The following PPM1D variants were observed in gnomAD, a reference collection of about 807,000 sequenced individuals.
PPM1D encodes the protein protein phosphatase 1D.
A neutral mutation model predicts 58.3 loss-of-function variants in PPM1D; 52 were observed. The observed-to-expected ratio is 0.89, with a 90% CI of 0.71 to 1.12. The LOEUF (loss-of-function observed/expected upper bound fraction) is 1.12, where lower values mean the gene tolerates loss of function less well. Among genes scored for constraint, PPM1D ranks in the 50% most tolerant of loss-of-function variants. The probability of loss-of-function intolerance (pLI) is 0.00; values close to 1 mark genes in which losing one functional copy is unlikely to be tolerated. For missense variants in PPM1D, 564 were observed against 777.2 expected, an observed-to-expected ratio of 0.73 and a Z score of 3.26; for synonymous variants, 278 against 285.1, an observed-to-expected ratio of 0.98 and a Z score of 0.25.
chr17:60,620,428 G>A (rs2143648880), intron 1 of PPM1D, among the ~76,000 whole-genome samples: 1 of 152,248 alleles, frequency 6.6e-6, no homozygotes, highest in East Asian at 1.9e-4. Context: ...CCTGAAAGTT[G>A]CCTTTTCATT....
At chr17:60,628,072 T>A (rs1219195428) in intron 2 of PPM1D, among the ~76,000 whole-genome samples, 1 of 151,804 alleles carries the variant, frequency 6.6e-6, no homozygotes, top group Non-Finnish European at 1.5e-5. Flanking sequence ...TTTCACGAAC[T>A]CCCGACCTCA....
intron 1 of PPM1D, among the ~76,000 whole-genome samples, chr17:60,606,507 T>TA (rs1221329717): frequency 2.0e-5 from 3 of 152,146 alleles, no homozygotes; most frequent in Non-Finnish European, 2.9e-5. Flanking sequence ...TTTACATTCC[T>TA]ACCAGCAAGG....
intron 1 of PPM1D, among the ~76,000 whole-genome samples, chr17:60,614,190 A>G (rs1474280068): frequency 6.6e-6 from 1 of 152,150 alleles, no homozygotes; most frequent in Non-Finnish European, 1.5e-5. Flanking sequence ...CGAGGTTTGT[A>G]AACACGCCAG....
At chr17:60,616,730 A>G (rs1383863243) in intron 1 of PPM1D, among the ~76,000 whole-genome samples, 1 of 152,230 alleles carries the variant, frequency 6.6e-6, no homozygotes, top group African/African-American at 2.4e-5. Context: ...TAAAGGTGAC[A>G]TTTCAGATGA....
Position 60,660,918 on chromosome 17 carries a change from A to G in PPM1D, c.1261-2077A>G, listed in dbSNP as rs572451507. Among the ~76,000 whole-genome samples, 39 of 152,286 alleles carry G rather than the reference A, an allele frequency of 2.6e-4. 1 individual carries two copies. The highest frequency in any genetic ancestry group is 8.4e-4 in the African/African-American group (35 of 41,562). On this transcript the variant is annotated intron_variant, in intron 5 of 5. Coordinates refer to ENST00000305921, the MANE Select transcript of PPM1D (RefSeq NM_003620.4). ...ATACTTTTATATAGCACTTCTAAGA[A>G]AGTTGTATATTCAGGCTGGGCGCAG...
chr17:60,609,511 A>G (rs1598399304), intron 1 of PPM1D, among the ~76,000 whole-genome samples: 1 of 152,330 alleles, frequency 6.6e-6, no homozygotes, highest in East Asian at 1.9e-4. Flanking sequence ...AATATTAAAT[A>G]TAAAATTCTA....
chr17:60,606,037 ACT>A (rs1400566334), intron 1 of PPM1D, among the ~76,000 whole-genome samples: 1 of 151,880 alleles, frequency 6.6e-6, no homozygotes, highest in Non-Finnish European at 1.5e-5. Flanking sequence ...CCAAATAGAA[ACT>A]CTGTGTCCAT....
chr17:60,627,335 G>T (rs1364655558), intron 2 of PPM1D, among the ~76,000 whole-genome samples: 1 of 152,176 alleles, frequency 6.6e-6, no homozygotes, highest in Non-Finnish European at 1.5e-5. Context: ...ATGGCTCACT[G>T]CAACCTCAAA....
At chr17:60,600,979 G>T in intron 1 of PPM1D, 93 bp downstream of exon 1, 1 of 1,557,560 alleles carries the variant, frequency 6.4e-7, no homozygotes, top group East Asian at 2.3e-5. Flanking sequence ...GGCACCCAGA[G>T]CGCAACCAAA....
chr17:60,641,838 G>GT, intron 3 of PPM1D, among the ~76,000 whole-genome samples: 1 of 152,348 alleles, frequency 6.6e-6, no homozygotes, highest in East Asian at 1.9e-4. Flanking sequence ...TTTGATAGGT[G>GT]TAAGGACCAC....
intron 3 of PPM1D, among the ~76,000 whole-genome samples, chr17:60,638,237 T>A (rs981035284): frequency 1.3e-5 from 2 of 152,244 alleles, no homozygotes; most frequent in South Asian, 4.1e-4. Flanking sequence ...ATAAAAAAGC[T>A]TTTTTCCTCT....
intron 3 of PPM1D, among the ~76,000 whole-genome samples, chr17:60,644,544 T>A (rs73990932): frequency 0.046 from 7,079 of 152,286 alleles, 585 homozygotes; most frequent in African/African-American, 0.16. Flanking sequence ...AATATGAAAT[T>A]GCCTGAGTGT....
At chr17:60,642,120 A>G (rs546663288) in intron 3 of PPM1D, among the ~76,000 whole-genome samples, 1 of 152,208 alleles carries the variant, frequency 6.6e-6, no homozygotes, top group Non-Finnish European at 1.5e-5. Flanking sequence ...GTTATTTGAT[A>G]TTAGATAGAA....
At chr17:60,602,495 T>A (rs1301290813) in intron 1 of PPM1D, among the ~76,000 whole-genome samples, 1 of 151,864 alleles carries the variant, frequency 6.6e-6, no homozygotes, top group Admixed American at 6.6e-5. Context: ...TTGCCCAGGC[T>A]GGGCAACAAG....
intron 3 of PPM1D, among the ~76,000 whole-genome samples, chr17:60,647,672 A>T (rs962471461): frequency 1.3e-5 from 2 of 152,194 alleles, no homozygotes; most frequent in Non-Finnish European, 2.9e-5. Context: ...CTTTAAGATG[A>T]TTATTACAGA....
chr17:60,643,726 C>T (rs1401191999), intron 3 of PPM1D, among the ~76,000 whole-genome samples: 1 of 152,076 alleles, frequency 6.6e-6, no homozygotes, highest in Non-Finnish European at 1.5e-5. Flanking sequence ...TGTCTCTCCT[C>T]ATGTGATATA....
intron 3 of PPM1D, among the ~76,000 whole-genome samples, chr17:60,642,281 TA>T (rs1483330778): frequency 3.3e-5 from 5 of 149,566 alleles, no homozygotes; most frequent in African/African-American, 7.4e-5. Flanking sequence ...AGGAATAAGT[TA>T]AAAAATATTG....
Position 60,665,219 on chromosome 17 carries a change from T to A in PPM1D, c.*1667T>A, listed in dbSNP as rs1413574454. On this transcript the variant is annotated 3_prime_UTR_variant, in exon 6 of 6. Transcript: ENST00000305921. ...CTCCTGACCTCGTGATCCACCCGCC[T>A]CGACCTCCCAAAGTACTGGGATTAC... 1 of 152,248 alleles carries A rather than the reference T, an allele frequency of 6.6e-6. No individual in the cohort carries two copies. Among genetic ancestry groups the A allele is most frequent in the Non-Finnish European group, 1.5e-5 (1 of 68,076 alleles). 9.4% of individuals were successfully genotyped at this position (152,248 alleles called of 1,614,324 possible).
chr17:60,629,585 A>G (rs2030877573), intron 2 of PPM1D, among the ~76,000 whole-genome samples: 1 of 152,196 alleles, frequency 6.6e-6, no homozygotes, highest in South Asian at 2.1e-4. Flanking sequence ...TGGGCTTTGC[A>G]AATTATAAAC....
Sources: allele counts gnomAD v4.1 joint callset (sites outside exome capture counted in the v4.1 genomes callset), GRCh38; gene constraint gnomAD v4.1.1; transcripts MANE v1.5; gene names NCBI Gene and HGNC (gene_info 2026-07-23, HGNC 2026-07-21).